SYK: variants seen among roughly 807,000 people sequenced by gnomAD.
The protein encoded by SYK is spleen associated tyrosine kinase, also known as tyrosine-protein kinase SYK.
A neutral mutation model predicts 77.8 loss-of-function variants in SYK; 16 were observed. The ratio of observed to expected loss-of-function variants is 0.21; its 90% confidence interval spans 0.14 to 0.31. SYK has a LOEUF of 0.31. Among genes scored for constraint, SYK ranks in the 10% least tolerant of loss-of-function variants. The probability of loss-of-function intolerance (pLI) is 1.00; values close to 1 mark genes in which losing one functional copy is unlikely to be tolerated. For missense variants in SYK, 529 were observed against 814.4 expected, an observed-to-expected ratio of 0.65 and a Z score of 4.26; for synonymous variants, 312 against 308.7, an observed-to-expected ratio of 1.01 and a Z score of -0.11.
chr9:90,832,585 T>TAC (rs1289914381), intron 1 of SYK, among the ~76,000 whole-genome samples: 1 of 152,352 alleles, frequency 6.6e-6, no homozygotes, highest in African/African-American at 2.4e-5. Context: ...TAGCTCCACG[T>TAC]ACCTCTTCAA....
intron 1 of SYK, among the ~76,000 whole-genome samples, chr9:90,842,095 A>AGTGTGTGTG (rs1208866802): frequency 0.018 from 1,703 of 94,470 alleles, 2 homozygotes; most frequent in Non-Finnish European, 0.027. Flanking sequence ...TGGTGTGTGT[A>AGTGTGTGTG]GTGTGTGTAG....
rs574979170 is a variant in SYK at position 90,865,933 on chromosome 9, C to G, written c.846+836C>G. Among the ~76,000 whole-genome samples the G allele has an allele frequency of 9.4e-4, 116 of 123,434 alleles. 2 individuals are homozygous for G. The highest frequency in any genetic ancestry group is 3.4e-4 in the Non-Finnish European group (21 of 62,462). The allele number at this position is 123,434 out of a possible 152,430, so 81.0% of individuals were successfully genotyped here. Reference sequence around the variant, plus strand: ...TTTTTTTTTGAGACGGAGTCTCGCTCTGTTGCCCAGGCTGGAGTGCAGTGG... The same window carrying G: ...TTTTTTTTTGAGACGGAGTCTCGCTGTGTTGCCCAGGCTGGAGTGCAGTGG... On this transcript the variant is annotated intron_variant, in intron 6 of 13. Transcript: ENST00000375754.
intron 11 of SYK, among the ~76,000 whole-genome samples, chr9:90,879,980 A>G (rs1828086337): frequency 6.6e-6 from 1 of 152,260 alleles, no homozygotes; most frequent in South Asian, 2.1e-4. Context: ...GTCTATGTTA[A>G]CCAACTGGAA....
intron 1 of SYK, among the ~76,000 whole-genome samples, chr9:90,833,134 G>A (rs1396340293): frequency 6.6e-6 from 1 of 152,196 alleles, no homozygotes; most frequent in Non-Finnish European, 1.5e-5. Flanking sequence ...GCTTTCATGA[G>A]CTAGCTTCAG....
intron 1 of SYK, among the ~76,000 whole-genome samples, chr9:90,826,506 G>C (rs1176107249): frequency 6.6e-6 from 1 of 152,212 alleles, no homozygotes. Context: ...ATTTTCACAA[G>C]TTTGGGGTGC....
intron 9 of SYK, among the ~76,000 whole-genome samples, chr9:90,876,801 A>G (rs2118883275): frequency 6.6e-6 from 1 of 152,302 alleles, no homozygotes; most frequent in South Asian, 2.1e-4. Flanking sequence ...AGAGTTGTTT[A>G]CCTTTTCAAT....
intron 1 of SYK, among the ~76,000 whole-genome samples, chr9:90,815,571 A>C (rs1046275917): frequency 6.6e-6 from 1 of 152,206 alleles, no homozygotes; most frequent in East Asian, 1.9e-4. Flanking sequence ...CTGCCCTCCT[A>C]GGGGAGCTTC....
Position 90,843,925 on chromosome 9 carries a change from C to A in SYK, c.27C>A (p.Ser9Arg). 1 of 1,554,682 alleles carries A rather than the reference C, an allele frequency of 6.4e-7. No homozygotes were observed. The highest frequency in any genetic ancestry group is 8.7e-7 in the Non-Finnish European group (1 of 1,148,944). The change falls in exon 2 of 14, where the codon AGC becomes AGA. Residue 9 changes from serine (S) to arginine (R), a missense_variant. Physicochemically the swap from Ser to Arg is moderately radical, Grantham distance 110. This residue lies in a region of SYK where 321 missense variants were observed against 433.1 expected (regional missense o/e 0.74). Coordinates refer to ENST00000375754, the MANE Select transcript of SYK (RefSeq NM_003177.7). MASSGMAD[S>R]ANHLPFFFGN... is the part of the protein sequence containing the mutation. ...TGGCCAGCAGCGGCATGGCTGACAG[C>A]GCCAACCACCTGCCCTTCTTTTTCG... is the stretch of plus-strand genomic sequence containing the variant.
intron 1 of SYK, among the ~76,000 whole-genome samples, chr9:90,817,470 C>T (rs1249508199): frequency 6.6e-6 from 1 of 152,192 alleles, no homozygotes; most frequent in Non-Finnish European, 1.5e-5. Flanking sequence ...AATATCCATT[C>T]ATTTTTCCCT....
At chr9:90,864,267 T>C (rs1827382272) in intron 4 of SYK, among the ~76,000 whole-genome samples, 1 of 152,196 alleles carries the variant, frequency 6.6e-6, no homozygotes, top group African/African-American at 2.4e-5. Flanking sequence ...AGAGAATGGT[T>C]TGTATGCTGT....
chr9:90,873,694 A>G (rs568541675), intron 7 of SYK, among the ~76,000 whole-genome samples: 2 of 152,322 alleles, frequency 1.3e-5, no homozygotes, highest in Admixed American at 1.3e-4. Flanking sequence ...ATCTCCACCG[A>G]AGATAAAGAC....
chr9:90,826,006 A>T (rs901821525), intron 1 of SYK, among the ~76,000 whole-genome samples: 1 of 152,208 alleles, frequency 6.6e-6, no homozygotes, highest in African/African-American at 2.4e-5. Flanking sequence ...TGGAACCCTA[A>T]GAATTTTCAT....
At chr9:90,875,779 C>T (rs952557560) in intron 9 of SYK, among the ~76,000 whole-genome samples, 2 of 152,038 alleles carry the variant, frequency 1.3e-5, no homozygotes, top group African/African-American at 4.8e-5. Flanking sequence ...TTAGAAGGTA[C>T]CCAACATAGA....
chr9:90,855,408 GT>G (rs1177813780), intron 3 of SYK, among the ~76,000 whole-genome samples: 1 of 152,140 alleles, frequency 6.6e-6, no homozygotes, highest in African/African-American at 2.4e-5. Flanking sequence ...GTTATCTGGT[GT>G]CCCCAGGCTG....
chr9:90,865,761 G>A (rs192022246), intron 6 of SYK, among the ~76,000 whole-genome samples: 141 of 152,098 alleles, frequency 9.3e-4, no homozygotes, highest in African/African-American at 3.2e-3. Context: ...TCCTTGAGCC[G>A]TCTATGTTAA....
intron 1 of SYK, among the ~76,000 whole-genome samples, chr9:90,802,826 A>AAAAAAAAAAAAAAT (rs1317246095): frequency 2.0e-5 from 3 of 150,690 alleles, no homozygotes; most frequent in Non-Finnish European, 4.4e-5. Context: ...AAAAAAAAAA[A>AAAAAAAAAAAAAAT]AGAGTTGAAG....
At chr9:90,853,983 G>A (rs1826920813) in intron 3 of SYK, among the ~76,000 whole-genome samples, 1 of 152,174 alleles carries the variant, frequency 6.6e-6, no homozygotes, top group African/African-American at 2.4e-5. Flanking sequence ...CTGCAGGAGA[G>A]GGAGGGAAGT....
At chr9:90,837,332 G>A (rs903031151) in intron 1 of SYK, among the ~76,000 whole-genome samples, 10 of 152,084 alleles carry the variant, frequency 6.6e-5, no homozygotes, top group African/African-American at 2.4e-4. Flanking sequence ...CACATTTTAG[G>A]GAAAGGGCAG....
In SYK at chr9:90,887,900, C is replaced by G. The variant is rs368538169; in HGVS notation, c.1722+11C>G. 1 of 1,571,296 alleles carries G rather than the reference C, an allele frequency of 6.4e-7. No homozygotes were observed. Among genetic ancestry groups the G allele is most frequent in the African/African-American group, 1.4e-5 (1 of 73,024 alleles). On this transcript the variant is annotated intron_variant, in intron 12 of 13. Coordinates refer to ENST00000375754, the MANE Select transcript of SYK (RefSeq NM_003177.7). ...CAGAAGCCATATCGAGTGAGCCAGT[C>G]CTGCTTCATTTTCTCACTGTGGGGC...
Sources: allele counts gnomAD v4.1 joint callset (sites outside exome capture counted in the v4.1 genomes callset), GRCh38; gene constraint gnomAD v4.1.1; regional missense constraint gnomAD v4.1.1; transcripts MANE v1.5; gene names NCBI Gene and HGNC (gene_info 2026-07-23, HGNC 2026-07-21).